Variants in CHN2 observed in about 807,000 individuals in gnomAD.
CHN2 encodes beta-chimaerin.
Under a neutral mutation model 56.3 loss-of-function variants are expected in CHN2, and 35 were observed. The observed-to-expected ratio is 0.62, with a 90% CI of 0.47 to 0.82. CHN2 has a LOEUF of 0.82. Among genes scored for constraint, CHN2 ranks in the 40% least tolerant of loss-of-function variants. CHN2 has a pLI of 0.00. For missense variants in CHN2, 491 were observed against 580.5 expected, an observed-to-expected ratio of 0.85 and a Z score of 1.58; for synonymous variants, 210 against 212.8, an observed-to-expected ratio of 0.99 and a Z score of 0.12.
chr7:29,306,942 A>G (rs1794216862), intron 1 of CHN2, among the ~76,000 whole-genome samples: 1 of 152,246 alleles, frequency 6.6e-6, no homozygotes, highest in South Asian at 2.1e-4. Context: ...TCTCAGCGTT[A>G]AAGATGTGAC....
chr7:29,327,335 G>C (rs568315646), intron 1 of CHN2, among the ~76,000 whole-genome samples: 6 of 152,198 alleles, frequency 3.9e-5, no homozygotes, highest in African/African-American at 1.4e-4. Context: ...TAAGGCTCAG[G>C]AGTTTGTGTT....
At chr7:29,246,306 G>A (rs931077796) in intron 1 of CHN2, among the ~76,000 whole-genome samples, 1 of 152,144 alleles carries the variant, frequency 6.6e-6, no homozygotes, top group African/African-American at 2.4e-5. Context: ...CACGTGGCTG[G>A]GAGGGTTGGG....
At chr7:29,213,097 T>G in intron 1 of CHN2, 4 of 1,602,084 alleles carry the variant, frequency 2.5e-6, no homozygotes, top group Non-Finnish European at 3.4e-6. Context: ...GGAGGCTGCC[T>G]TGGAAGCTGC....
chr7:29,175,413 T>C (rs562036037), intron 2 of CHN2, among the ~76,000 whole-genome samples: 2 of 152,114 alleles, frequency 1.3e-5, no homozygotes, highest in South Asian at 4.2e-4. Context: ...AGACTTCGGG[T>C]TTTCTGCCCG....
intron 1 of CHN2, among the ~76,000 whole-genome samples, chr7:29,261,446 G>C (rs928071652): frequency 2.0e-5 from 3 of 152,240 alleles, no homozygotes; most frequent in Middle Eastern, 3.4e-3. Flanking sequence ...CCTGTCTCAG[G>C]TGTTCCTTCT....
At chr7:29,252,578 G>GTTTTTTTTTGTTTTTTTTTTTTT (rs1788668203) in intron 1 of CHN2, among the ~76,000 whole-genome samples, 1 of 19,488 alleles carries the variant, frequency 5.1e-5, no homozygotes, top group Non-Finnish European at 8.2e-5. Flanking sequence ...TGCATTCTTT[G>GTTTTTTTTTGTTTTTTTTTTTTT]TTTTTTTTTT....
intron 1 of CHN2, among the ~76,000 whole-genome samples, chr7:29,272,150 G>GACT (rs145450583): frequency 0.025 from 3,823 of 152,194 alleles, 161 homozygotes; most frequent in African/African-American, 0.087. Context: ...GCTGCCGACT[G>GACT]GATGGGCCGT....
intron 6 of CHN2, among the ~76,000 whole-genome samples, chr7:29,431,774 A>G (rs1782876408): frequency 2.0e-5 from 3 of 152,170 alleles, no homozygotes; most frequent in South Asian, 4.1e-4. Context: ...CCACAGGGCC[A>G]CCTTAGCAAT....
chr7:29,379,609 A>G (rs939196091), intron 3 of CHN2, among the ~76,000 whole-genome samples: 1 of 152,214 alleles, frequency 6.6e-6, no homozygotes, highest in Non-Finnish European at 1.5e-5. Flanking sequence ...ATGGGTGTTT[A>G]CTGTAAAAGT....
intron 1 of CHN2, among the ~76,000 whole-genome samples, chr7:29,243,380 A>G (rs1300477325): frequency 2.0e-5 from 3 of 152,194 alleles, no homozygotes; most frequent in African/African-American, 4.8e-5. Context: ...ATCCTGAAAA[A>G]TTGTAGACCA....
intron 6 of CHN2, among the ~76,000 whole-genome samples, chr7:29,461,882 G>A (rs1785195427): frequency 1.3e-5 from 2 of 152,036 alleles, no homozygotes; most frequent in Non-Finnish European, 2.9e-5. Flanking sequence ...AAGGAAGAGA[G>A]AGGATGCAAA....
intron 1 of CHN2, among the ~76,000 whole-genome samples, chr7:29,353,073 G>T (rs997857527): frequency 1.3e-5 from 2 of 152,216 alleles, no homozygotes; most frequent in Non-Finnish European, 2.9e-5. Context: ...CTGACTGTGT[G>T]TGTGCCTAGG....
chr7:29,225,771 C>T (rs757271932), intron 1 of CHN2, among the ~76,000 whole-genome samples: 1 of 152,142 alleles, frequency 6.6e-6, no homozygotes, highest in Non-Finnish European at 1.5e-5. Context: ...CACCACTAAT[C>T]ACACTGGAAA....
intron 6 of CHN2, among the ~76,000 whole-genome samples, chr7:29,467,075 C>T (rs1014310048): frequency 3.1e-4 from 47 of 152,102 alleles, no homozygotes; most frequent in African/African-American, 1.1e-3. Flanking sequence ...GTACACTCTT[C>T]ACAAGCATCA....
At chr7:29,298,166 C>T (rs557536675) in intron 1 of CHN2, among the ~76,000 whole-genome samples, 45 of 152,322 alleles carry the variant, frequency 3.0e-4, no homozygotes, top group African/African-American at 1.0e-3. Flanking sequence ...CTGTTAGTAG[C>T]CTTGGAGTTC....
intron 1 of CHN2, among the ~76,000 whole-genome samples, chr7:29,353,483 G>A (rs1477141425): frequency 2.0e-5 from 3 of 152,126 alleles, no homozygotes; most frequent in Admixed American, 2.0e-4. Context: ...GCGAAATGCC[G>A]TCTCAACCAA....
chr7:29,361,570 T>A (rs1798736663), intron 2 of CHN2, among the ~76,000 whole-genome samples: 1 of 152,202 alleles, frequency 6.6e-6, no homozygotes, highest in Non-Finnish European at 1.5e-5. Flanking sequence ...TCCTCGCTTC[T>A]GGGGTTTGCC....
At chr7:29,437,687 TA>T (rs1301928962) in intron 6 of CHN2, among the ~76,000 whole-genome samples, 2 of 151,286 alleles carry the variant, frequency 1.3e-5, no homozygotes, top group Non-Finnish European at 2.9e-5. Flanking sequence ...AGGCTTAGCA[TA>T]ATTTCTCTCC....
intron 1 of CHN2, among the ~76,000 whole-genome samples, chr7:29,310,272 A>G (rs1471831335): frequency 6.6e-6 from 1 of 152,230 alleles, no homozygotes; most frequent in Non-Finnish European, 1.5e-5. Context: ...ATACATCCAT[A>G]GAGTGGAATA....
Sources: allele counts gnomAD v4.1 joint callset (sites outside exome capture counted in the v4.1 genomes callset), GRCh38; gene constraint gnomAD v4.1.1; transcripts MANE v1.5; gene names NCBI Gene and HGNC (gene_info 2026-07-23, HGNC 2026-07-21).